The following WNT2B variants were observed in gnomAD, a reference collection of about 807,000 sequenced individuals.
WNT2B encodes protein Wnt-2b.
Under a neutral mutation model 40.5 loss-of-function variants are expected in WNT2B, and 19 were observed. The observed-to-expected ratio is 0.47, with a 90% CI of 0.33 to 0.69. The LOEUF (loss-of-function observed/expected upper bound fraction) is 0.69. WNT2B is among the 30% of genes least tolerant of loss of function. WNT2B has a pLI of 0.02. For synonymous variants in WNT2B, 220 were observed against 211.9 expected (o/e 1.04, Z -0.33); for missense variants, 467 against 556.4 (o/e 0.84, Z 1.62).
Position 112,526,246 on chromosome 1 carries a change from C to A in WNT2B, c.*5737C>A. 8.5e-7 allele frequency: 1 copy of A among 1,175,976 alleles called. No homozygotes were observed. Among genetic ancestry groups the A allele is most frequent in the African/African-American group, 1.5e-5 (1 of 65,680 alleles). The allele number at this position is 1,175,976 out of a possible 1,614,324, so 72.8% of individuals were successfully genotyped here. Reference sequence around the variant, plus strand: ...ACCTTATCAACCAATGGCTCTTTTGCCATTTCTGCCACTATTACCACCAGT... The same window carrying A: ...ACCTTATCAACCAATGGCTCTTTTGACATTTCTGCCACTATTACCACCAGT... On this transcript the variant is annotated 3_prime_UTR_variant, in exon 5 of 5. Coordinates refer to ENST00000369684, the MANE Select transcript of WNT2B (RefSeq NM_024494.3).
chr1:112,514,810 C>G (rs1400304736), intron 1 of WNT2B, 64 bp from the exon 2 acceptor site: 1 of 1,538,120 alleles, frequency 6.5e-7, no homozygotes, highest in Non-Finnish European at 9.0e-7. Context: ...GTACCCCTTC[C>G]TTATTCCCTC....
At chr1:112,479,805 G>T (rs1651167928) in intron 1 of WNT2B, among the ~76,000 whole-genome samples, 1 of 151,816 alleles carries the variant, frequency 6.6e-6, no homozygotes, top group Admixed American at 6.6e-5. Context: ...CTGCCTCCTG[G>T]GTTCACACCA....
chr1:112,495,390 C>T (rs1388577961), intron 1 of WNT2B, among the ~76,000 whole-genome samples: 1 of 151,968 alleles, frequency 6.6e-6, no homozygotes, highest in African/African-American at 2.4e-5. Context: ...TCCTGGCTAA[C>T]ATGGTGAAAC....
rs564141519 is a variant in WNT2B, at chr1:112,517,018, C to G, written c.682-103C>G. 1.8e-4 allele frequency: 271 copies of G among 1,480,978 alleles called. No homozygotes were observed. The East Asian group carries it at 6.2e-3, about 34-fold the overall frequency. The allele number at this position is 1,480,978 out of a possible 1,614,324, so 91.7% of individuals were successfully genotyped here. On this transcript the variant is annotated intron_variant, in intron 3 of 4. Coordinates refer to ENST00000369684, the MANE Select transcript of WNT2B (RefSeq NM_024494.3). ...GAGAGCTCAATCGGCCAGCCAGGGC[C>G]AGGTCCAGCCTATCTCAGAGCACTC...
intron 1 of WNT2B, among the ~76,000 whole-genome samples, chr1:112,490,632 G>T (rs1201926783): frequency 1.3e-5 from 2 of 151,898 alleles, no homozygotes; most frequent in East Asian, 3.9e-4. Flanking sequence ...TGGGACTACC[G>T]GCGCCCATCA....
At chr1:112,507,784 G>A (rs79473160), upstream of WNT2B, among the ~76,000 whole-genome samples, 212 of 152,368 alleles carry the variant, frequency 1.4e-3, 5 homozygotes, top group East Asian at 0.034. Context: ...AAAGACACCT[G>A]CGAGGTGGGA....
rs914187206 is a variant in WNT2B, at chr1:112,527,984, T to C, written c.*7475T>C. 3 of 152,184 alleles carry C rather than the reference T, an allele frequency of 2.0e-5. No homozygotes were observed. Among genetic ancestry groups the C allele is most frequent in the Admixed American group, 2.0e-4 (3 of 15,280 alleles). The allele number at this position is 152,184 out of a possible 1,614,324, so 9.4% of individuals were successfully genotyped here. A position where few individuals can be genotyped will look rare whatever the true frequency, so the allele number is the denominator to read the frequency against. On this transcript the variant is annotated 3_prime_UTR_variant, in exon 5 of 5. Transcript: ENST00000369684. ...GTAGACACAAGAGGCTGGAGGAAGA[T>C]GATCATTCCTAGAATAATTATGCTT...
In WNT2B at chr1:112,515,459, CCCCAACACT is replaced by C. The variant is rs372846817; in HGVS notation, c.403+375_403+383del. Among the ~76,000 whole-genome samples, 654 of 152,274 alleles carry C rather than the reference CCCCAACACT, an allele frequency of 4.3e-3. 3 individuals carry two copies. Among genetic ancestry groups the C allele is most frequent in the African/African-American group, 0.015 (627 of 41,536 alleles). On this transcript the variant is annotated intron_variant, in intron 2 of 4. Coordinates refer to ENST00000369684, the MANE Select transcript of WNT2B (RefSeq NM_024494.3). The surrounding 1 kb of genome is among the most constrained non-coding windows in gnomAD (Gnocchi z 4.4). ...CTTAACACCACCATCACTATCGTCA[CCCCAACACT>C]CCCAACACTACAGTAATGGGAACAA...
At position 112,526,707 on chromosome 1, in the gene WNT2B, T is replaced by G. The variant is rs1653473271; in HGVS notation, c.*6198T>G. Reference sequence around the variant, plus strand: ...AGTGAGCCAAGATGCACCACTGCACTCCAGCCTGGGAGACAGAGCGAGACT... The same window carrying G: ...AGTGAGCCAAGATGCACCACTGCACGCCAGCCTGGGAGACAGAGCGAGACT... On this transcript the variant is annotated 3_prime_UTR_variant, in exon 5 of 5. Coordinates refer to ENST00000369684, the MANE Select transcript of WNT2B (RefSeq NM_024494.3). The G allele has an allele frequency of 6.8e-6, 1 of 148,014 alleles. No homozygotes were observed. Among genetic ancestry groups the G allele is most frequent in the South Asian group, 2.1e-4 (1 of 4,702 alleles). 9.2% of individuals were successfully genotyped at this position (148,014 alleles called of 1,614,324 possible).
At chr1:112,473,630 G>A (rs983514358) in intron 1 of WNT2B, among the ~76,000 whole-genome samples, 3 of 151,598 alleles carry the variant, frequency 2.0e-5, no homozygotes, top group South Asian at 4.2e-4. Flanking sequence ...AAGTTTAATC[G>A]GCATCCCCAA....
rs868431500 is a variant in WNT2B, at chr1:112,526,089, T to G, written c.*5580T>G. The G allele has an allele frequency of 1.2e-6, 2 of 1,614,158 alleles. No individual in the cohort carries two copies. Among genetic ancestry groups the G allele is most frequent in the Middle Eastern group, 3.3e-4 (2 of 6,062 alleles). On this transcript the variant is annotated 3_prime_UTR_variant, in exon 5 of 5. Coordinates refer to ENST00000369684, the MANE Select transcript of WNT2B (RefSeq NM_024494.3). ...CTCAAAGCCTGAGGATGCCCAGGGT[T>G]GGGGGCACCAGAGTCCCAGCACCTT...
At chr1:112,478,868 A>G (rs990103033) in intron 1 of WNT2B, among the ~76,000 whole-genome samples, 10 of 152,100 alleles carry the variant, frequency 6.6e-5, no homozygotes, top group African/African-American at 2.4e-4. Flanking sequence ...AGTTGCAGTG[A>G]GGCATGATCA....
rs182806368 is a variant in WNT2B at position 112,529,524 on chromosome 1, T to A, written c.*9015T>A. The A allele has an allele frequency of 1.6e-3, 246 of 152,288 alleles. 1 individual carries two copies. The highest frequency in any genetic ancestry group is 5.4e-3 in the African/African-American group (225 of 41,556). 9.4% of individuals were successfully genotyped at this position (152,288 alleles called of 1,614,324 possible). A position where few individuals can be genotyped will look rare whatever the true frequency, so the allele number is the denominator to read the frequency against. On this transcript the variant is annotated 3_prime_UTR_variant, in exon 5 of 5. Coordinates refer to ENST00000369684, the MANE Select transcript of WNT2B (RefSeq NM_024494.3). ...TGGTTGTTTTATTTACATTTCTGAATGGAAAGGATTTCAATACTCATAAAA... is the reference window on the plus strand; with the variant it reads ...TGGTTGTTTTATTTACATTTCTGAAAGGAAAGGATTTCAATACTCATAAAA...
intron 3 of WNT2B, 34 bp from the exon 4 acceptor site, chr1:112,517,087 T>C (rs1172002572): frequency 6.3e-7 from 1 of 1,596,560 alleles, no homozygotes; most frequent in East Asian, 2.2e-5. Flanking sequence ...CCTGACCAGC[T>C]ACTTCTCCCT....
intron 1 of WNT2B, among the ~76,000 whole-genome samples, chr1:112,468,207 C>T (rs1471914730): frequency 1.3e-5 from 2 of 152,066 alleles, no homozygotes; most frequent in East Asian, 3.9e-4. Context: ...TTCATTCATC[C>T]GTTGATGGAC....
chr1:112,505,106 A>G (rs938240931), upstream of WNT2B, among the ~76,000 whole-genome samples: 1 of 152,210 alleles, frequency 6.6e-6, no homozygotes, highest in Admixed American at 6.5e-5. Flanking sequence ...TTGGGCACCC[A>G]CTTTTGAGAG....
chr1:112,485,532 C>T (rs1651389847), intron 1 of WNT2B, among the ~76,000 whole-genome samples: 2 of 151,568 alleles, frequency 1.3e-5, no homozygotes, highest in African/African-American at 2.4e-5. Context: ...ACTATATCAC[C>T]ATATCAATCA....
intron 1 of WNT2B, among the ~76,000 whole-genome samples, chr1:112,473,622 G>A (rs1296348736): frequency 3.9e-5 from 6 of 151,986 alleles, no homozygotes; most frequent in Admixed American, 6.6e-5. Flanking sequence ...CCTAATGTAA[G>A]TTTAATCGGC....
intron 1 of WNT2B, among the ~76,000 whole-genome samples, chr1:112,493,897 T>C (rs1266633046): frequency 1.4e-5 from 2 of 144,978 alleles, no homozygotes; most frequent in African/African-American, 5.2e-5. Flanking sequence ...ACAAAAACAC[T>C]ACACCTAGGC....
Sources: gnomAD v4.1 joint callset for allele counts (sites outside exome capture counted in the v4.1 genomes callset) on GRCh38, gnomAD v4.1.1 for gene constraint, Gnocchi (gnomAD v3.1) non-coding constraint, MANE v1.5 for transcripts, NCBI Gene and HGNC (gene_info 2026-07-23, HGNC 2026-07-21) for gene names.